The following SUSD3 variants were observed in gnomAD, a reference collection of about 807,000 sequenced individuals.
SUSD3 encodes the protein sushi domain-containing protein 3.
In SUSD3, 18 loss-of-function variants were observed where a neutral mutation model predicts 20.6. That is an observed-to-expected ratio of 0.87 (90% CI 0.60 to 1.30). SUSD3 has a LOEUF of 1.30. Ranked by LOEUF, SUSD3 falls within the 50% of genes most tolerant of loss-of-function variation. SUSD3 has a pLI of 0.00. For synonymous variants in SUSD3, 137 were observed against 141.5 expected (o/e 0.97, Z 0.23); for missense variants, 306 against 346.9 (o/e 0.88, Z 0.94).
rs528485319 is a variant in SUSD3 at position 93,060,858 on chromosome 9, A to C, written c.88+2028A>C. 2.0e-5 allele frequency among the ~76,000 whole-genome samples: 3 copies of C among 152,052 alleles called. No homozygotes were observed. In the South Asian group the frequency reaches 6.2e-4, roughly 32 times the overall value. On this transcript the variant is annotated intron_variant, in intron 1 of 4. Coordinates refer to ENST00000375472, the MANE Select transcript of SUSD3 (RefSeq NM_145006.4). ...TCTCAAAACAAAACAAAAACCAAAA[A>C]CATAGCACGGGGATGTGTGTTTTTC...
chr9:93,075,972 C>G lies in SUSD3; in HGVS notation c.277C>G (p.Leu93Val). ...EWSSGSPVCK[L>V]VPPHETFGFK... is the part of the protein sequence containing the mutation. ...GTCTTCAGGGTCCCCAGTGTGCAAA[C>G]GTAAGGACCCCTCTCTCAGCTCGGT... Residue 93 changes from leucine to valine, a missense_variant and splice_region_variant, in exon 2 of 5, where the codon CTG (leucine) becomes GTG (valine). Transcript: ENST00000375472. 6.3e-7 allele frequency: 1 copy of G among 1,586,734 alleles called. No individual in the cohort carries two copies. The highest frequency in any genetic ancestry group is 1.1e-5 in the South Asian group (1 of 88,848).
At chr9:93,070,219 C>A (rs1449106547) in intron 1 of SUSD3, among the ~76,000 whole-genome samples, 2 of 152,210 alleles carry the variant, frequency 1.3e-5, no homozygotes, top group Admixed American at 1.3e-4. Context: ...ATCTTAGACA[C>A]CGCATCTAGT....
intron 1 of SUSD3, among the ~76,000 whole-genome samples, chr9:93,060,685 A>C (rs1490889901): frequency 6.6e-6 from 1 of 152,088 alleles, no homozygotes; most frequent in Non-Finnish European, 1.5e-5. Flanking sequence ...GCAAAAAAAA[A>C]ATTAGCTGAG....
At chr9:93,061,858 A>T (rs1324201615) in intron 1 of SUSD3, among the ~76,000 whole-genome samples, 1 of 152,194 alleles carries the variant, frequency 6.6e-6, no homozygotes, top group Non-Finnish European at 1.5e-5. Context: ...GATCGAGTCT[A>T]GGTGAGACTG....
chr9:93,072,495 G>T (rs1249224750), intron 1 of SUSD3, among the ~76,000 whole-genome samples: 6 of 152,196 alleles, frequency 3.9e-5, no homozygotes, highest in Admixed American at 3.9e-4. Flanking sequence ...CCAGACTTCG[G>T]AGCCTGGCCT....
At chr9:93,075,090 T>C (rs1826075300) in intron 1 of SUSD3, among the ~76,000 whole-genome samples, 1 of 152,146 alleles carries the variant, frequency 6.6e-6, no homozygotes, top group Non-Finnish European at 1.5e-5. Flanking sequence ...GCAGGAAAAA[T>C]GAGCTCTCCC....
intron 4 of SUSD3, 103 bp downstream of exon 4, chr9:93,079,705 CCA>C (rs150860099): frequency 0.041 from 54,378 of 1,310,780 alleles, 1,360 homozygotes; most frequent in Middle Eastern, 0.048. Flanking sequence ...CCTGCTGCTC[CCA>C]CACGCCTAGC....
rs886865710 is a variant in SUSD3 at position 93,084,883 on chromosome 9, G to A, written c.*136G>A. The A allele has an allele frequency of 4.9e-6, 4 of 820,040 alleles. No homozygotes were observed. Among genetic ancestry groups the A allele is most frequent in the Non-Finnish European group, 7.0e-6 (4 of 570,218 alleles). 50.8% of individuals were successfully genotyped at this position (820,040 alleles called of 1,614,324 possible). A position where few individuals can be genotyped will look rare whatever the true frequency, so the allele number is the denominator to read the frequency against. On this transcript the variant is annotated 3_prime_UTR_variant, in exon 5 of 5. Coordinates refer to ENST00000375472, the MANE Select transcript of SUSD3 (RefSeq NM_145006.4). ...TGAGTGGAATCAGCTTCCAGGTGTA[G>A]GGACCCCTTGAGGGGCCGAGCTGAC...
chr9:93,079,691 A>C (rs1826330509), intron 4 of SUSD3, 89 bp downstream of exon 4: 2 of 1,421,218 alleles, frequency 1.4e-6, no homozygotes, highest in African/African-American at 2.8e-5. Context: ...CCACACGCTG[A>C]GAGCCTGCTG....
chr9:93,071,785 A>T (rs569590794), intron 1 of SUSD3, among the ~76,000 whole-genome samples: 18 of 152,284 alleles, frequency 1.2e-4, no homozygotes, highest in African/African-American at 4.3e-4. Flanking sequence ...TGTAGTTTTC[A>T]GTGGTGATCA....
At chr9:93,066,327 A>T (rs1825709526) in intron 1 of SUSD3, among the ~76,000 whole-genome samples, 1 of 152,092 alleles carries the variant, frequency 6.6e-6, no homozygotes, top group South Asian at 2.1e-4. Context: ...TCCACCTCCC[A>T]GGTTCAAGGG....
chr9:93,059,271 T>A (rs1271542655), intron 1 of SUSD3, among the ~76,000 whole-genome samples: 1 of 152,110 alleles, frequency 6.6e-6, no homozygotes, highest in East Asian at 1.9e-4. Context: ...TCTTCACGAT[T>A]CCTTGGTGAC....
intron 4 of SUSD3, among the ~76,000 whole-genome samples, chr9:93,080,822 C>A (rs1280899272): frequency 1.3e-5 from 2 of 152,224 alleles, no homozygotes; most frequent in South Asian, 2.1e-4. Flanking sequence ...TTCTGTTGCA[C>A]TTCTGACATT....
Position 93,070,751 on chromosome 9 carries a change from C to T in SUSD3, c.89-5033C>T, listed in dbSNP as rs192156909. ...CCGGGGCAGGCTCCCTTGCCTGGGC[C>T]CCCAAATGTGTGTGGTGGAGGTGGA... On this transcript the variant is annotated intron_variant, in intron 1 of 4. Coordinates refer to ENST00000375472, the MANE Select transcript of SUSD3 (RefSeq NM_145006.4). Among the ~76,000 whole-genome samples the T allele has an allele frequency of 3.9e-5, 6 of 152,310 alleles. No individual in the cohort carries two copies. In the East Asian group the frequency reaches 9.6e-4, roughly 24 times the overall value.
intron 1 of SUSD3, 29 bp downstream of exon 1, chr9:93,058,859 CG>C: frequency 8.2e-7 from 1 of 1,214,708 alleles, no homozygotes. Context: ...TGGCCGCGTG[CG>C]GGGCTCTGCG....
chr9:93,059,617 C>A (rs968434965), intron 1 of SUSD3, among the ~76,000 whole-genome samples: 1 of 152,128 alleles, frequency 6.6e-6, no homozygotes, highest in Non-Finnish European at 1.5e-5. Context: ...GGCCACTGCC[C>A]ACGAACGTTA....
At chr9:93,078,554 G>A (rs980557334) in intron 3 of SUSD3, among the ~76,000 whole-genome samples, 1 of 151,994 alleles carries the variant, frequency 6.6e-6, no homozygotes, top group African/African-American at 2.4e-5. Flanking sequence ...GAGCCACCGC[G>A]CCCGGCCCGT....
chr9:93,076,089 G>C lies in SUSD3; in HGVS notation c.277+117G>C, dbSNP rs1826149563. The C allele has an allele frequency of 5.8e-6, 5 of 864,510 alleles. 1 individual carries two copies. The South Asian group carries it at 8.7e-5, about 15-fold the overall frequency. 53.6% of individuals were successfully genotyped at this position (864,510 alleles called of 1,614,324 possible). ...TGTCTACTCACAAGCAGCTAGGCCA[G>C]TGTGTAGGGTCCCATTCCCAACACT... On this transcript the variant is annotated intron_variant, in intron 2 of 4. Transcript: ENST00000375472.
At chr9:93,077,811 C>A in intron 2 of SUSD3, 35 bp from the exon 3 acceptor site, 3 of 1,612,750 alleles carry the variant, frequency 1.9e-6, no homozygotes, top group Non-Finnish European at 2.5e-6. Context: ...TCTGGGCAAA[C>A]CTCGCCCAGG....
Sources: gnomAD v4.1 joint callset for allele counts (sites outside exome capture counted in the v4.1 genomes callset) on GRCh38, gnomAD v4.1.1 for gene constraint, MANE v1.5 for transcripts, NCBI Gene and HGNC (gene_info 2026-07-23, HGNC 2026-07-21) for gene names.